JAZF1: variants seen among roughly 807,000 people sequenced by gnomAD.
JAZF1 encodes the protein JAZF zinc finger 1.
Under a neutral mutation model 26.4 loss-of-function variants are expected in JAZF1, and 8 were observed. The ratio of observed to expected loss-of-function variants is 0.30; its 90% confidence interval spans 0.18 to 0.55. The LOEUF (loss-of-function observed/expected upper bound fraction) is 0.55. JAZF1 is among the 20% of genes least tolerant of loss of function. The probability of loss-of-function intolerance (pLI) is 0.94; values close to 1 mark genes in which losing one functional copy is unlikely to be tolerated. For synonymous variants in JAZF1, 126 were observed against 122.3 expected, an observed-to-expected ratio of 1.03 and a Z score of -0.20; for missense variants, 199 against 322.0, an observed-to-expected ratio of 0.62 and a Z score of 2.92.
intron 1 of JAZF1, among the ~76,000 whole-genome samples, chr7:28,047,488 T>C (rs931524842): frequency 6.6e-6 from 1 of 152,152 alleles, no homozygotes; most frequent in African/African-American, 2.4e-5. Flanking sequence ...AATATCACTT[T>C]CCAGATACTT....
chr7:28,086,260 A>G (rs912387894), intron 1 of JAZF1, among the ~76,000 whole-genome samples: 3 of 152,220 alleles, frequency 2.0e-5, no homozygotes, highest in East Asian at 1.9e-4. Context: ...AGTAATGACT[A>G]GGTTGAAGGC....
At chr7:28,050,376 T>C (rs918056401) in intron 1 of JAZF1, among the ~76,000 whole-genome samples, 2 of 152,178 alleles carry the variant, frequency 1.3e-5, no homozygotes, top group Non-Finnish European at 2.9e-5. Flanking sequence ...ACAGAGTTTC[T>C]TTTGGGGGTG....
In JAZF1 at chr7:28,025,686, T is replaced by A. The variant is rs555901504; in HGVS notation, c.116-33705A>T. On this transcript the variant is annotated intron_variant, in intron 1 of 4. Transcript: ENST00000283928. Reference sequence around the variant, plus strand: ...ACTTTGAAATTATATCCTCAACTCTTAAACCTTCATTTATGGTTCAGTGGT... The same window carrying A: ...ACTTTGAAATTATATCCTCAACTCTAAAACCTTCATTTATGGTTCAGTGGT... Among the ~76,000 whole-genome samples the A allele has an allele frequency of 5.3e-5, 8 of 152,366 alleles. No individual in the cohort carries two copies. In the East Asian group the frequency reaches 1.5e-3, roughly 29 times the overall value.
At chr7:28,125,910 C>T (rs1782685208) in intron 1 of JAZF1, among the ~76,000 whole-genome samples, 1 of 152,196 alleles carries the variant, frequency 6.6e-6, no homozygotes, top group African/African-American at 2.4e-5. Context: ...ATGCAAGGGC[C>T]TTGCCAACCC....
Position 27,991,896 on chromosome 7 carries a change from GA to G in JAZF1, c.188+12del. ...ATATAAGGTTGTTATAATAAATTCTGAAAATGGCTTACCTATTTATGTAACT... is the reference window on the plus strand; with the variant it reads ...ATATAAGGTTGTTATAATAAATTCTGAAATGGCTTACCTATTTATGTAACT... On this transcript the variant is annotated intron_variant, in intron 2 of 4. Transcript: ENST00000283928. The G allele has an allele frequency of 1.3e-6, 2 of 1,484,100 alleles. No individual in the cohort carries two copies. Among genetic ancestry groups the G allele is most frequent in the Non-Finnish European group, 1.9e-6 (2 of 1,074,952 alleles). The allele number at this position is 1,484,100 out of a possible 1,614,324, so 91.9% of individuals were successfully genotyped here. A position where few individuals can be genotyped will look rare whatever the true frequency, so the allele number is the denominator to read the frequency against.
chr7:27,958,309 A>C (rs1293349307), intron 2 of JAZF1, among the ~76,000 whole-genome samples: 1 of 152,222 alleles, frequency 6.6e-6, no homozygotes, highest in African/African-American at 2.4e-5. Flanking sequence ...TTTTTACTAA[A>C]GAGTAGGTGA....
chr7:28,054,046 T>G (rs1455861695), intron 1 of JAZF1, among the ~76,000 whole-genome samples: 2 of 152,226 alleles, frequency 1.3e-5, no homozygotes, highest in Non-Finnish European at 2.9e-5. Context: ...CATATATACC[T>G]CCCCAAGTAT....
chr7:28,012,954 G>A (rs1782822361), intron 1 of JAZF1, among the ~76,000 whole-genome samples: 2 of 152,204 alleles, frequency 1.3e-5, no homozygotes, highest in South Asian at 2.1e-4. Context: ...CCTAAGCCTG[G>A]GTAAAGTGAC....
At chr7:28,159,594 T>C (rs1783247544) in intron 1 of JAZF1, among the ~76,000 whole-genome samples, 1 of 152,036 alleles carries the variant, frequency 6.6e-6, no homozygotes, top group Non-Finnish European at 1.5e-5. Context: ...CTTGACATGA[T>C]TGACATTTTG....
chr7:28,069,667 G>A (rs575455895), intron 1 of JAZF1, among the ~76,000 whole-genome samples: 27 of 152,102 alleles, frequency 1.8e-4, no homozygotes, highest in Non-Finnish European at 3.2e-4. Context: ...TGACCTAAGG[G>A]GGGAGAAAAC....
Position 27,836,313 on chromosome 7 carries a change from T to TG in JAZF1, c.556-3338dup, listed in dbSNP as rs11348578. Among the ~76,000 whole-genome samples, 539 of 151,662 alleles carry TG rather than the reference T, an allele frequency of 3.6e-3. 6 individuals are homozygous for TG. Among genetic ancestry groups the TG allele is most frequent in the Non-Finnish European group, 3.2e-3 (215 of 67,872 alleles). ...TAGGAGGTAGAAAGGAGAACTTAGG[T>TG]GGGGGGGGTTCCACCATTAGGAACT... On this transcript the variant is annotated intron_variant, in intron 4 of 4. Transcript: ENST00000283928.
At chr7:27,833,414 A>G (rs2128329684) in intron 4 of JAZF1, among the ~76,000 whole-genome samples, 2 of 152,316 alleles carry the variant, frequency 1.3e-5, no homozygotes, top group South Asian at 4.1e-4. Context: ...AACATATAGA[A>G]ATTTTTGATT....
intron 1 of JAZF1, among the ~76,000 whole-genome samples, chr7:28,082,327 G>C (rs75802768): frequency 0.027 from 4,035 of 152,224 alleles, 175 homozygotes; most frequent in African/African-American, 0.093. Context: ...ACTGGGCTGA[G>C]GAGTGTTCCT....
At chr7:28,069,105 C>G (rs1440612377) in intron 1 of JAZF1, among the ~76,000 whole-genome samples, 1 of 152,224 alleles carries the variant, frequency 6.6e-6, no homozygotes. Flanking sequence ...TCCAATCTGC[C>G]TACTGACAAG....
intron 1 of JAZF1, among the ~76,000 whole-genome samples, chr7:28,062,821 G>A (rs1222345451): frequency 6.6e-6 from 1 of 152,128 alleles, no homozygotes; most frequent in Non-Finnish European, 1.5e-5. Flanking sequence ...TAAACTTCCT[G>A]TTTAAATTCC....
intron 2 of JAZF1, among the ~76,000 whole-genome samples, chr7:27,954,441 G>T (rs551122135): frequency 1.4e-4 from 21 of 152,244 alleles, no homozygotes; most frequent in Non-Finnish European, 2.1e-4. Context: ...ATTTAGGATG[G>T]TGGCTTTGGC....
At chr7:27,904,443 T>C (rs1784215587) in intron 2 of JAZF1, among the ~76,000 whole-genome samples, 1 of 152,248 alleles carries the variant, frequency 6.6e-6, no homozygotes, top group Non-Finnish European at 1.5e-5. Flanking sequence ...TCAGCACCCC[T>C]TCGTTAATAG....
intron 1 of JAZF1, among the ~76,000 whole-genome samples, chr7:28,137,298 C>A (rs908218433): frequency 6.6e-6 from 1 of 152,180 alleles, no homozygotes; most frequent in African/African-American, 2.4e-5. Context: ...ACCACTCTCA[C>A]CGCTGTGAAA....
chr7:27,931,634 G>A (rs147005649), intron 2 of JAZF1, among the ~76,000 whole-genome samples: 27,488 of 152,044 alleles, frequency 0.18, 3,274 homozygotes, highest in East Asian at 0.46. Context: ...TGGCCAATAT[G>A]GTGAAACCCC....
Sources: allele counts gnomAD v4.1 joint callset (sites outside exome capture counted in the v4.1 genomes callset), GRCh38; gene constraint gnomAD v4.1.1; transcripts MANE v1.5; gene names NCBI Gene and HGNC (gene_info 2026-07-23, HGNC 2026-07-21).